Variants in NYAP2 observed in about 807,000 individuals in gnomAD.
NYAP2 encodes neuronal tyrosine-phosphorylated phosphoinositide-3-kinase adaptor 2.
A neutral mutation model predicts 50.4 loss-of-function variants in NYAP2; 23 were observed. That is an observed-to-expected ratio of 0.46 (90% confidence interval 0.33 to 0.65). The LOEUF (loss-of-function observed/expected upper bound fraction) is 0.65, where lower values mean the gene tolerates loss of function less well. Ranked by LOEUF, NYAP2 falls within the 30% of genes least tolerant of loss-of-function variation. NYAP2 has a pLI of 0.02. For missense variants in NYAP2, 885 were observed against 861.0 expected (o/e 1.03, Z -0.35); for synonymous variants, 394 against 365.2 (o/e 1.08, Z -0.90).
intron 5 of NYAP2, among the ~76,000 whole-genome samples, chr2:225,613,947 G>A (rs1477719320): frequency 6.6e-6 from 1 of 152,104 alleles, no homozygotes; most frequent in Non-Finnish European, 1.5e-5. Context: ...TTTTAAAACA[G>A]AACTAATATT....
chr2:225,519,666 T>A (rs529056306), intron 4 of NYAP2, among the ~76,000 whole-genome samples: 1 of 152,264 alleles, frequency 6.6e-6, no homozygotes, highest in African/African-American at 2.4e-5. Context: ...TAATCCAGTC[T>A]ATCATTGTTG....
intron 4 of NYAP2, among the ~76,000 whole-genome samples, chr2:225,520,836 A>G (rs1691040305): frequency 6.6e-6 from 1 of 152,130 alleles, no homozygotes; most frequent in South Asian, 2.1e-4. Context: ...TGATGGGGAT[A>G]GTATTGAATC....
chr2:225,509,404 T>C (rs939961114), intron 3 of NYAP2, among the ~76,000 whole-genome samples: 1 of 152,222 alleles, frequency 6.6e-6, no homozygotes, highest in Admixed American at 6.5e-5. Context: ...ATGACACTTC[T>C]GTTTTGTTTG....
rs185154059 is a variant in NYAP2, at chr2:225,569,074, T to G, written c.524-12867T>G. Among the ~76,000 whole-genome samples the G allele has an allele frequency of 3.5e-3, 539 of 152,260 alleles. 4 individuals are homozygous for G. Among genetic ancestry groups the G allele is most frequent in the Non-Finnish European group, 5.8e-3 (393 of 68,022 alleles). On this transcript the variant is annotated intron_variant, in intron 4 of 6. Coordinates refer to ENST00000636099, the Ensembl canonical transcript of NYAP2. ...GAAGGGGAAATGGAAGAAATGCAGC[T>G]ATATGAGGGATAGCAAATAATTTTT...
At chr2:225,564,412 A>G (rs1207186373) in intron 4 of NYAP2, among the ~76,000 whole-genome samples, 1 of 151,782 alleles carries the variant, frequency 6.6e-6, no homozygotes, top group East Asian at 1.9e-4. Context: ...ACCAAAAAAT[A>G]CCAGTGTCTG....
chr2:225,546,984 T>C (rs1191379759), intron 4 of NYAP2, among the ~76,000 whole-genome samples: 1 of 152,142 alleles, frequency 6.6e-6, no homozygotes, highest in Non-Finnish European at 1.5e-5. Context: ...AAAGGTCATA[T>C]GGGAACTGGG....
intron 3 of NYAP2, among the ~76,000 whole-genome samples, chr2:225,422,585 G>A (rs189732570): frequency 3.6e-4 from 55 of 152,014 alleles, no homozygotes; most frequent in African/African-American, 1.2e-3. Context: ...GCTGTGAACC[G>A]ATCTATTATT....
At chr2:225,499,485 T>TG (rs1690565899) in intron 3 of NYAP2, among the ~76,000 whole-genome samples, 1 of 151,584 alleles carries the variant, frequency 6.6e-6, no homozygotes, top group Non-Finnish European at 1.5e-5. Context: ...GCTAATTTTT[T>TG]TTTTGTATTT....
At chr2:225,658,704 GC>G (rs1693864971), downstream of NYAP2, among the ~76,000 whole-genome samples, 1 of 152,074 alleles carries the variant, frequency 6.6e-6, no homozygotes, top group Non-Finnish European at 1.5e-5. Context: ...CTCTCTATGA[GC>G]TTTAATTAAT....
At chr2:225,411,395 G>A (rs1695036491) in intron 3 of NYAP2, among the ~76,000 whole-genome samples, 1 of 152,144 alleles carries the variant, frequency 6.6e-6, no homozygotes, top group Non-Finnish European at 1.5e-5. Context: ...TAAAAGGGGA[G>A]CAGGTTTAGC....
chr2:225,413,016 C>T (rs1695072259), intron 3 of NYAP2, among the ~76,000 whole-genome samples: 2 of 152,130 alleles, frequency 1.3e-5, no homozygotes, highest in African/African-American at 4.8e-5. Context: ...TTATTACTAT[C>T]CTCACAGTCA....
intron 4 of NYAP2, among the ~76,000 whole-genome samples, chr2:225,527,908 A>G (rs1366119599): frequency 6.6e-6 from 1 of 152,146 alleles, no homozygotes; most frequent in Non-Finnish European, 1.5e-5. Context: ...TGGCCTCCCA[A>G]AATGTTGGGA....
At chr2:225,588,510 C>T (rs1281985381) in intron 5 of NYAP2, among the ~76,000 whole-genome samples, 3 of 152,064 alleles carry the variant, frequency 2.0e-5, no homozygotes, top group Non-Finnish European at 2.9e-5. Context: ...AAACATCAAG[C>T]GTTGACTATG....
At chr2:225,446,246 C>CTA (rs58633886) in intron 3 of NYAP2, among the ~76,000 whole-genome samples, 12 of 82,272 alleles carry the variant, frequency 1.5e-4, no homozygotes, top group South Asian at 1.0e-3. Context: ...CTCTCTCTCT[C>CTA]TATATATATA....
chr2:225,624,391 C>T (rs1387058688), intron 5 of NYAP2, among the ~76,000 whole-genome samples: 2 of 152,210 alleles, frequency 1.3e-5, no homozygotes, highest in African/African-American at 4.8e-5. Context: ...TGTATATTTA[C>T]TTTTCCTCAG....
chr2:225,608,767 G>T (rs539238683), intron 5 of NYAP2, among the ~76,000 whole-genome samples: 6 of 152,196 alleles, frequency 3.9e-5, no homozygotes, highest in East Asian at 1.9e-4. Flanking sequence ...TGTGATTTGG[G>T]TCACTTTTGC....
In NYAP2 at chr2:225,620,466, T is replaced by C. The variant is rs62188708; in HGVS notation, c.1619-6451T>C. 9.4e-3 allele frequency among the ~76,000 whole-genome samples: 1,325 copies of C among 141,014 alleles called. 8 individuals are homozygous for C. Among genetic ancestry groups the C allele is most frequent in the Non-Finnish European group, 0.015 (963 of 64,500 alleles). The allele number at this position is 141,014 out of a possible 152,430, so 92.5% of individuals were successfully genotyped here. On this transcript the variant is annotated intron_variant, in intron 5 of 6. Coordinates refer to ENST00000636099, the Ensembl canonical transcript of NYAP2. The stretch of plus-strand genomic sequence containing the variant: ...ACGCACACGCACGCACACACGCGCA[T>C]GCACACGCACACGCACGCACGCACA...
the NYAP2 span, among the ~76,000 whole-genome samples, chr2:225,676,183 T>C: frequency 6.6e-6 from 1 of 152,198 alleles, no homozygotes; most frequent in African/African-American, 2.4e-5. Context: ...TTTTTGATTT[T>C]GTTGTAATTG....
At chr2:225,540,732 G>C (rs1327617525) in intron 4 of NYAP2, among the ~76,000 whole-genome samples, 1 of 152,174 alleles carries the variant, frequency 6.6e-6, no homozygotes, top group African/African-American at 2.4e-5. Context: ...GTTGTGAGTA[G>C]TGCTGCAAGA....
Sources: gnomAD v4.1 joint callset for allele counts (sites outside exome capture counted in the v4.1 genomes callset) on GRCh38, gnomAD v4.1.1 for gene constraint, MANE v1.5 for transcripts, NCBI Gene and HGNC (gene_info 2026-07-23, HGNC 2026-07-21) for gene names.